LY6L: variants seen among roughly 807,000 people sequenced by gnomAD.
The protein encoded by LY6L is lymphocyte antigen 6L.
LY6L carries 8 observed loss-of-function variants against 8.3 expected under a neutral mutation model. The observed-to-expected ratio is 0.97, with a 90% CI of 0.57 to 1.74. The LOEUF (loss-of-function observed/expected upper bound fraction) is 1.74, where lower values mean the gene tolerates loss of function less well. Among genes scored for constraint, LY6L ranks in the 40% most tolerant of loss-of-function variants. The pLI is 0.00. For missense variants in LY6L, 156 were observed against 183.8 expected (o/e 0.85, Z 0.87); for synonymous variants, 79 against 77.9 (o/e 1.01, Z -0.07).
At chr8:143,082,393 C>A in intron 3 of LY6L, 32 bp from the exon 4 acceptor site, 1 of 1,483,248 alleles carries the variant, frequency 6.7e-7, no homozygotes, top group South Asian at 1.2e-5. Context: ...TGCTGGGGCT[C>A]TGGGGCCACC....
chr8:143,081,256 C>T lies in LY6L; in HGVS notation c.119C>T (p.Thr40Met), dbSNP rs1820424517. 5 of 1,533,678 alleles carry T rather than the reference C, an allele frequency of 3.3e-6. No homozygotes were observed. The highest frequency in any genetic ancestry group is 1.2e-5 in the South Asian group (1 of 83,904). Residue 40 changes from threonine (T) to methionine (M), a missense_variant, in exon 3 of 4, where the codon ACG becomes ATG. Physicochemically the swap from Thr to Met is moderately conservative, Grantham distance 81. Coordinates refer to ENST00000562505, the MANE Select transcript of LY6L (RefSeq NM_001368160.2). The part of the protein sequence containing the change: ...CYQCFKVSSW[T>M]ECPPTWCSPL... Reference sequence around the variant, plus strand: ...CAGTGCTTCAAGGTCAGCAGCTGGACGGAGTGCCCGCCCACCTGGTGCAGC... The same window carrying T: ...CAGTGCTTCAAGGTCAGCAGCTGGATGGAGTGCCCGCCCACCTGGTGCAGC...
rs940321767 is a variant in LY6L, at chr8:143,082,229, C to T, written c.191-196C>T. Among the ~76,000 whole-genome samples the T allele has an allele frequency of 2.6e-5, 4 of 152,326 alleles. No homozygotes were observed. The Middle Eastern group carries it at 0.01, about 389-fold the overall frequency. The stretch of plus-strand genomic sequence containing the variant: ...GGAGGTGGCCTGGGCAGCCAGGATC[C>T]CCAGCTCTGCAGCGCCTCACCCAGT... On this transcript the variant is annotated intron_variant, in intron 3 of 3. Coordinates refer to ENST00000562505, the MANE Select transcript of LY6L (RefSeq NM_001368160.2).
chr8:143,081,415 G>T, intron 3 of LY6L, 88 bp downstream of exon 3: 1 of 806,164 alleles, frequency 1.2e-6, no homozygotes, highest in East Asian at 2.8e-5. Context: ...ATGAGTCCTC[G>T]GCGCTCCAGG....
intron 3 of LY6L, among the ~76,000 whole-genome samples, chr8:143,082,126 G>A (rs564663703): frequency 6.6e-6 from 1 of 152,332 alleles, no homozygotes; most frequent in African/African-American, 2.4e-5. Context: ...GGCAGGGGTG[G>A]TCCAGGCTGT....
chr8:143,082,553 C>G lies in LY6L; in HGVS notation c.319C>G (p.Leu107Val), dbSNP rs766484663. The G allele has an allele frequency of 1.2e-5, 18 of 1,535,368 alleles. No homozygotes were observed. Among genetic ancestry groups the G allele is most frequent in the Non-Finnish European group, 1.5e-5 (17 of 1,146,618 alleles). The change falls in exon 4 of 4, where the codon CTC (leucine) becomes GTC (valine). Residue 107 changes from leucine (L) to valine (V), a missense_variant. Physicochemically the swap from Leu to Val is conservative, Grantham distance 32. Coordinates refer to ENST00000562505, the MANE Select transcript of LY6L (RefSeq NM_001368160.2). Reference sequence around the variant, plus strand: ...CACCAGGCGCTGCTGTTCCTGGGCTCTCTGCAACAGGGCACTGACCCCACA... The same window carrying G: ...CACCAGGCGCTGCTGTTCCTGGGCTGTCTGCAACAGGGCACTGACCCCACA... Reference protein sequence around the residue: ...VITRRCCSWALCNRALTPQEG... With the variant: ...VITRRCCSWAVCNRALTPQEG...
chr8:143,082,614 T>A lies in LY6L; in HGVS notation c.380T>A (p.Leu127His), dbSNP rs1477501053. The A allele has an allele frequency of 2.0e-6, 3 of 1,522,432 alleles. No individual in the cohort carries two copies. In the Admixed American group the frequency reaches 5.9e-5, roughly 30 times the overall value. 94.3% of individuals were successfully genotyped at this position (1,522,432 alleles called of 1,614,324 possible). Residue 127 changes from leucine (L) to histidine (H), a missense_variant, in exon 4 of 4, where the codon CTC becomes CAC. Leu to His is a moderately conservative substitution (Grantham distance 99). Transcript: ENST00000562505. The stretch of plus-strand genomic sequence containing the variant: ...TGGGCCCTGCGAGGGGGGCTCCTGC[T>A]CCAGGTGGGCCTCAGCCTCCTCAGG... The part of the protein sequence containing the change: ...GRWALRGGLL[L>H]QVGLSLLRAL...
chr8:143,083,175 G>A lies in LY6L; in HGVS notation c.*524G>A, dbSNP rs1240595362. On this transcript the variant is annotated 3_prime_UTR_variant, in exon 4 of 4. Coordinates refer to ENST00000562505, the MANE Select transcript of LY6L (RefSeq NM_001368160.2). ...AAGGATGGTGCCTCTGATGGGCAAT[G>A]GGGAAGGATGGTGCCTCCGGTGTTG... 6.8e-6 allele frequency among the ~76,000 whole-genome samples: 1 copy of A among 147,262 alleles called. No individual in the cohort carries two copies. The highest frequency in any genetic ancestry group is 1.5e-5 in the Non-Finnish European group (1 of 66,984).
chr8:143,082,690 C>T lies in LY6L; in HGVS notation c.*39C>T. ...ACGCCCCCTCCTGGCCCTGCTGGCC[C>T]ATCCCGTCTCCTGCCTCCAACTGCC... On this transcript the variant is annotated 3_prime_UTR_variant, in exon 4 of 4. Coordinates refer to ENST00000562505, the MANE Select transcript of LY6L (RefSeq NM_001368160.2). The T allele has an allele frequency of 7.2e-7, 1 of 1,396,802 alleles. No homozygotes were observed. Among genetic ancestry groups the T allele is most frequent in the South Asian group, 1.5e-5 (1 of 66,556 alleles). 86.5% of individuals were successfully genotyped at this position (1,396,802 alleles called of 1,614,324 possible). A position where few individuals can be genotyped will look rare whatever the true frequency, so the allele number is the denominator to read the frequency against.
Position 143,082,578 on chromosome 8 carries a change from A to G in LY6L, c.344A>G (p.Gln115Arg). The G allele has an allele frequency of 6.5e-7, 1 of 1,534,232 alleles. No individual in the cohort carries two copies. Among genetic ancestry groups the G allele is most frequent in the Non-Finnish European group, 8.7e-7 (1 of 1,145,704 alleles). ...CTCTGCAACAGGGCACTGACCCCAC[A>G]GGAGGGGCGCTGGGCCCTGCGAGGG... is the stretch of plus-strand genomic sequence containing the variant. The part of the protein sequence containing the change: ...WALCNRALTP[Q>R]EGRWALRGGL... Residue 115 changes from glutamine to arginine, a missense_variant, in exon 4 of 4, where the codon CAG becomes CGG. By Grantham distance (43) the Gln-to-Arg change is conservative. Coordinates refer to ENST00000562505, the MANE Select transcript of LY6L (RefSeq NM_001368160.2).
rs532938656 is a variant in LY6L, at chr8:143,082,198, G to A, written c.191-227G>A. On this transcript the variant is annotated intron_variant, in intron 3 of 3. Coordinates refer to ENST00000562505, the MANE Select transcript of LY6L (RefSeq NM_001368160.2). Reference sequence around the variant, plus strand: ...CCCTGGAGTCTGTATTTGCTGTGCCGCGGGCGGAGGTGGCCTGGGCAGCCA... The same window carrying A: ...CCCTGGAGTCTGTATTTGCTGTGCCACGGGCGGAGGTGGCCTGGGCAGCCA... Among the ~76,000 whole-genome samples, 116 of 152,340 alleles carry A rather than the reference G, an allele frequency of 7.6e-4. 1 individual carries two copies. In the South Asian group the frequency reaches 0.018, roughly 24 times the overall value.
At chr8:143,081,010 C>T (rs2130539940) in intron 1 of LY6L, 26 bp from the exon 2 acceptor site, 1 of 1,487,106 alleles carries the variant, frequency 6.7e-7, no homozygotes, top group South Asian at 1.2e-5. Context: ...TGAAGCCTCC[C>T]GCAACACCCA....
At position 143,081,239 on chromosome 8, in the gene LY6L, C is replaced by T; in HGVS notation, c.102C>T (p.Phe34=). Residue 34 remains phenylalanine (F), a synonymous_variant, in exon 3 of 4, where the codon TTC becomes TTT. Transcript: ENST00000562505. Reference sequence around the variant, plus strand: ...GCAACCTGAGCTGCTACCAGTGCTTCAAGGTCAGCAGCTGGACGGAGTGCC... The same window carrying T: ...GCAACCTGAGCTGCTACCAGTGCTTTAAGGTCAGCAGCTGGACGGAGTGCC... ...PARNLSCYQC[F]KVSSWTECPP... 6.5e-7 allele frequency: 1 copy of T among 1,533,392 alleles called. No individual in the cohort carries two copies. Among genetic ancestry groups the T allele is most frequent in the East Asian group, 2.4e-5 (1 of 40,834 alleles). 95.0% of individuals were successfully genotyped at this position (1,533,392 alleles called of 1,614,324 possible).
chr8:143,081,061 G>A lies in LY6L; in HGVS notation c.8G>A (p.Arg3Lys), dbSNP rs1408317293. 1 of 1,534,484 alleles carries A rather than the reference G, an allele frequency of 6.5e-7. No individual in the cohort carries two copies. The highest frequency in any genetic ancestry group is 1.2e-5 in the South Asian group (1 of 84,042). The change falls in exon 2 of 4, where the codon AGG becomes AAG. Residue 3 changes from arginine to lysine, a missense_variant. Transcript: ENST00000562505. Reference sequence around the variant, plus strand: ...GCTGAGCCTTCTGGCGTCATGGAGAGGCTCGTCCTAACCCTGTGCACCCTC... The same window carrying A: ...GCTGAGCCTTCTGGCGTCATGGAGAAGCTCGTCCTAACCCTGTGCACCCTC... ME[R>K]LVLTLCTLPL...
Position 143,082,543 on chromosome 8 carries a change from T to C in LY6L, c.309T>C (p.Cys103=), listed in dbSNP as rs760774352. 152 of 1,535,248 alleles carry C rather than the reference T, an allele frequency of 9.9e-5. No individual in the cohort carries two copies. The highest frequency in any genetic ancestry group is 2.2e-5 in the Non-Finnish European group (25 of 1,146,638). The change falls in exon 4 of 4, where the codon TGT becomes TGC. Residue 103 remains cysteine, a synonymous_variant. Transcript: ENST00000562505. The part of the protein sequence containing the change: ...MVQGVITRRC[C]SWALCNRALT... ...AAGGCGTGATCACCAGGCGCTGCTGTTCCTGGGCTCTCTGCAACAGGGCAC... is the reference window on the plus strand; with the variant it reads ...AAGGCGTGATCACCAGGCGCTGCTGCTCCTGGGCTCTCTGCAACAGGGCAC...
rs1421789449 is a variant in LY6L, at chr8:143,081,029, C to G, written c.-18-7C>G. 6.6e-7 allele frequency: 1 copy of G among 1,524,386 alleles called. No individual in the cohort carries two copies. The highest frequency in any genetic ancestry group is 1.2e-5 in the South Asian group (1 of 83,750). The allele number at this position is 1,524,386 out of a possible 1,614,324, so 94.4% of individuals were successfully genotyped here. A position where few individuals can be genotyped will look rare whatever the true frequency, so the allele number is the denominator to read the frequency against. On this transcript the variant is annotated splice_polypyrimidine_tract_variant and splice_region_variant and intron_variant, in intron 1 of 3. Transcript: ENST00000562505. ...GCCTCCCGCAACACCCACCTCACCC[C>G]ACTCAGGCTGAGCCTTCTGGCGTCA...
chr8:143,082,337 T>G (rs1052622857), intron 3 of LY6L, 88 bp from the exon 4 acceptor site: 28 of 999,918 alleles, frequency 2.8e-5, no homozygotes, highest in African/African-American at 4.8e-5. Context: ...CGGCTGCTCC[T>G]TTGGAAAGCA....
At position 143,082,917 on chromosome 8, in the gene LY6L, G is replaced by A. The variant is rs765158502; in HGVS notation, c.*266G>A. On this transcript the variant is annotated 3_prime_UTR_variant, in exon 4 of 4. Transcript: ENST00000562505. ...TCTGATGTGGGTGATGGGAAGGACG[G>A]TGCCTCTGATGTGGGTGATGGGAAG... The A allele has an allele frequency of 2.1e-6, 1 of 469,184 alleles. No individual in the cohort carries two copies. Among genetic ancestry groups the A allele is most frequent in the South Asian group, 3.6e-5 (1 of 27,882 alleles). The allele number at this position is 469,184 out of a possible 1,614,324, so 29.1% of individuals were successfully genotyped here.
At chr8:143,082,010 C>T (rs1048688553) in intron 3 of LY6L, among the ~76,000 whole-genome samples, 3 of 152,154 alleles carry the variant, frequency 2.0e-5, no homozygotes, top group African/African-American at 2.4e-5. Flanking sequence ...TACAGAGAAA[C>T]GAGCCCAGGG....
chr8:143,082,282 C>A, intron 3 of LY6L, 143 bp from the exon 4 acceptor site: 1 of 609,468 alleles, frequency 1.6e-6, no homozygotes, highest in Non-Finnish European at 2.9e-6. Flanking sequence ...GGTCTCTTGG[C>A]TGTCCTCGCA....
Sources: gnomAD v4.1 joint callset for allele counts (sites outside exome capture counted in the v4.1 genomes callset) on GRCh38, gnomAD v4.1.1 for gene constraint, MANE v1.5 for transcripts, NCBI Gene and HGNC (gene_info 2026-07-23, HGNC 2026-07-21) for gene names.